GRM5: variants seen among roughly 807,000 people sequenced by gnomAD.
GRM5 encodes glutamate metabotropic receptor 5, also known as metabotropic glutamate receptor 5.
A neutral mutation model predicts 83.1 loss-of-function variants in GRM5; 19 were observed. The ratio of observed to expected loss-of-function variants is 0.23; its 90% CI spans 0.16 to 0.34. The LOEUF (loss-of-function observed/expected upper bound fraction) is 0.34. GRM5 is among the 10% of genes least tolerant of loss of function. The probability of loss-of-function intolerance (pLI) is 1.00; values close to 1 mark genes in which losing one functional copy is unlikely to be tolerated. For missense variants in GRM5, 1,160 were observed against 1,588.3 expected, an observed-to-expected ratio of 0.73 and a Z score of 4.58; for synonymous variants, 675 against 633.6, an observed-to-expected ratio of 1.07 and a Z score of -0.98.
At chr11:88,953,841 T>G (rs1458780382) in intron 2 of GRM5, among the ~76,000 whole-genome samples, 1 of 152,226 alleles carries the variant, frequency 6.6e-6, no homozygotes, top group Non-Finnish European at 1.5e-5. Flanking sequence ...AAGCAGTCAT[T>G]TTCATATGAC....
chr11:88,770,731 C>T (rs1410085749), intron 3 of GRM5, among the ~76,000 whole-genome samples: 7 of 152,034 alleles, frequency 4.6e-5, no homozygotes, highest in Admixed American at 4.6e-4. Flanking sequence ...AGAATGTATT[C>T]TTGACAGAAA....
chr11:88,636,269 TG>T (rs1939116794), intron 4 of GRM5, among the ~76,000 whole-genome samples: 1 of 152,222 alleles, frequency 6.6e-6, no homozygotes, highest in Non-Finnish European at 1.5e-5. Context: ...CCCAGCACTT[TG>T]GGAGGCCAAG....
At chr11:88,856,673 G>A (rs996372396) in intron 2 of GRM5, among the ~76,000 whole-genome samples, 9 of 151,744 alleles carry the variant, frequency 5.9e-5, no homozygotes, top group African/African-American at 9.7e-5. Flanking sequence ...TTGTATGTGC[G>A]GTATCTTTGT....
chr11:88,580,739 CAG>C (rs1377970990), intron 7 of GRM5, among the ~76,000 whole-genome samples: 1 of 152,216 alleles, frequency 6.6e-6, no homozygotes, highest in African/African-American at 2.4e-5. Flanking sequence ...ATGTTTATAA[CAG>C]TAAGCTTAGT....
At chr11:88,869,711 C>T (rs1391574965) in intron 2 of GRM5, among the ~76,000 whole-genome samples, 1 of 151,344 alleles carries the variant, frequency 6.6e-6, no homozygotes, top group Non-Finnish European at 1.5e-5. Context: ...CACTTTATTC[C>T]TTGAAAAATA....
chr11:88,986,727 C>CTTTTTTTT (rs60281684), intron 2 of GRM5, among the ~76,000 whole-genome samples: 17 of 93,106 alleles, frequency 1.8e-4, no homozygotes, highest in Non-Finnish European at 2.8e-4. Flanking sequence ...TTTATTTTTG[C>CTTTTTTTT]TTTTTTTTTT....
chr11:88,915,332 T>C (rs1017159397), intron 2 of GRM5, among the ~76,000 whole-genome samples: 31 of 152,244 alleles, frequency 2.0e-4, no homozygotes, highest in Admixed American at 1.2e-3. Context: ...AACCATCTTT[T>C]GTTGTTGAAT....
At chr11:89,048,570 T>C (rs967406547) in intron 1 of GRM5, among the ~76,000 whole-genome samples, 5 of 152,220 alleles carry the variant, frequency 3.3e-5, no homozygotes, top group Non-Finnish European at 7.3e-5. Flanking sequence ...TAAAATTATC[T>C]TTTCAAAAAT....
chr11:88,525,227 G>T, intron 9 of GRM5, 82 bp downstream of exon 9: 1 of 810,228 alleles, frequency 1.2e-6, no homozygotes, highest in Non-Finnish European at 2.1e-6. Flanking sequence ...GTTGAGTGAG[G>T]ACCCAGACCA....
intron 2 of GRM5, among the ~76,000 whole-genome samples, chr11:88,996,187 G>A (rs1940180328): frequency 6.6e-6 from 1 of 152,128 alleles, no homozygotes; most frequent in African/African-American, 2.4e-5. Flanking sequence ...CTACAAAATG[G>A]CCTATTTTCC....
intron 3 of GRM5, among the ~76,000 whole-genome samples, chr11:88,819,547 A>G (rs974203636): frequency 6.6e-6 from 1 of 152,244 alleles, no homozygotes; most frequent in South Asian, 2.1e-4. Flanking sequence ...AACAAAAATG[A>G]AAGAATTCAT....
At chr11:88,688,457 A>T (rs1940701677) in intron 3 of GRM5, among the ~76,000 whole-genome samples, 1 of 152,200 alleles carries the variant, frequency 6.6e-6, no homozygotes, top group Non-Finnish European at 1.5e-5. Flanking sequence ...AGAAAAATAT[A>T]CTGTGGATTT....
intron 2 of GRM5, among the ~76,000 whole-genome samples, chr11:89,010,663 GT>G (rs1359537311): frequency 4.0e-5 from 6 of 151,542 alleles, no homozygotes; most frequent in African/African-American, 1.5e-4. Context: ...ATTGTTAAAA[GT>G]TTAAAAATTA....
At chr11:89,010,714 A>G (rs1446651452) in intron 2 of GRM5, among the ~76,000 whole-genome samples, 2 of 151,460 alleles carry the variant, frequency 1.3e-5, no homozygotes, top group Admixed American at 6.6e-5. Flanking sequence ...GTGGAAACAC[A>G]GAGAGCCAAA....
chr11:88,816,207 G>A (rs1441080184), intron 3 of GRM5, among the ~76,000 whole-genome samples: 1 of 107,026 alleles, frequency 9.3e-6, no homozygotes, highest in Non-Finnish European at 1.7e-5. Flanking sequence ...GCGACAGAGC[G>A]AGACTCCGTC....
At chr11:88,632,375 G>A (rs963506321) in intron 4 of GRM5, among the ~76,000 whole-genome samples, 1 of 150,452 alleles carries the variant, frequency 6.6e-6, no homozygotes, top group Non-Finnish European at 1.5e-5. Context: ...TAGGACTATA[G>A]GTATGCGCTG....
At chr11:88,928,759 TTA>T (rs1945835011) in intron 2 of GRM5, among the ~76,000 whole-genome samples, 1 of 152,022 alleles carries the variant, frequency 6.6e-6, no homozygotes, top group Non-Finnish European at 1.5e-5. Flanking sequence ...GTCTGTGATT[TTA>T]TGTTTTAATT....
At chr11:88,881,809 A>T (rs1298119324) in intron 2 of GRM5, among the ~76,000 whole-genome samples, 1 of 152,234 alleles carries the variant, frequency 6.6e-6, no homozygotes, top group East Asian at 1.9e-4. Flanking sequence ...TGTGAAAATT[A>T]CAAACTAATT....
In GRM5 at chr11:88,509,240, G is replaced by A; in HGVS notation, c.2991C>T (p.Pro997=). 6.7e-7 allele frequency: 1 copy of A among 1,497,924 alleles called. No individual in the cohort carries two copies. Among genetic ancestry groups the A allele is most frequent in the Non-Finnish European group, 8.9e-7 (1 of 1,126,638 alleles). 92.8% of individuals were successfully genotyped at this position (1,497,924 alleles called of 1,614,324 possible). Residue 997 remains proline (P), a synonymous_variant, in exon 10 of 10, where the codon CCC becomes CCT. Transcript: ENST00000305447. ...PGGPESPDAG[P]KALYDVAEAE... Reference sequence around the variant, plus strand: ...CCTCGGCCACATCATACAGCGCCTTGGGGCCGGCGTCTGGGGACTCGGGCC... The same window carrying A: ...CCTCGGCCACATCATACAGCGCCTTAGGGCCGGCGTCTGGGGACTCGGGCC...
Sources: gnomAD v4.1 joint callset for allele counts (sites outside exome capture counted in the v4.1 genomes callset) on GRCh38, gnomAD v4.1.1 for gene constraint, MANE v1.5 for transcripts, NCBI Gene and HGNC (gene_info 2026-07-23, HGNC 2026-07-21) for gene names.